Variants in MXI1 observed in about 807,000 individuals in gnomAD.
The protein encoded by MXI1 is MAX interactor 1, dimerization protein.
Under a neutral mutation model 36.9 loss-of-function variants are expected in MXI1, and 18 were observed. The ratio of observed to expected loss-of-function variants is 0.49; its 90% CI spans 0.34 to 0.72. The LOEUF (loss-of-function observed/expected upper bound fraction) is 0.72, where lower values mean the gene tolerates loss of function less well. Among genes scored for constraint, MXI1 ranks in the 30% least tolerant of loss-of-function variants. The probability of loss-of-function intolerance (pLI) is 0.01; values close to 1 mark genes in which losing one functional copy is unlikely to be tolerated. For missense variants in MXI1, 304 were observed against 379.1 expected, an observed-to-expected ratio of 0.80 and a Z score of 1.64; for synonymous variants, 160 against 146.7, an observed-to-expected ratio of 1.09 and a Z score of -0.65.
At chr10:110,262,462 C>T (rs189324062) in intron 3 of MXI1, among the ~76,000 whole-genome samples, 244 of 152,080 alleles carry the variant, frequency 1.6e-3, no homozygotes, top group Non-Finnish European at 3.0e-3. Context: ...AAAGGCACAC[C>T]TCAAAAGAGA....
intron 3 of MXI1, chr10:110,257,323 T>TC (rs894743402): frequency 1.3e-5 from 2 of 152,114 alleles, no homozygotes. Flanking sequence ...TTTTTTTTTT[T>TC]TTTGAGACGG....
At chr10:110,244,354 C>T (rs947353098) in intron 2 of MXI1, among the ~76,000 whole-genome samples, 11 of 151,928 alleles carry the variant, frequency 7.2e-5, no homozygotes, top group Non-Finnish European at 1.5e-4. Flanking sequence ...TTGCCTGTAT[C>T]ACTAAGCAGT....
chr10:110,244,748 G>A, intron 2 of MXI1, 80 bp from the exon 3 acceptor site: 1 of 1,169,000 alleles, frequency 8.6e-7, no homozygotes, highest in Non-Finnish European at 1.2e-6. Flanking sequence ...ACTAGGTGTA[G>A]CATAGCAGTA....
At chr10:110,257,102 T>G (rs531238106) in intron 3 of MXI1, 1 of 152,116 alleles carries the variant, frequency 6.6e-6, no homozygotes, top group Non-Finnish European at 1.5e-5. Flanking sequence ...ACTCCTGATA[T>G]ACGTTCTCTG....
At chr10:110,278,116 T>C (rs1185966902) in intron 3 of MXI1, among the ~76,000 whole-genome samples, 1 of 152,196 alleles carries the variant, frequency 6.6e-6, no homozygotes, top group African/African-American at 2.4e-5. Flanking sequence ...TTTTCAGATA[T>C]GCTGTTAACT....
chr10:110,223,796 G>C (rs917865153), intron 1 of MXI1, among the ~76,000 whole-genome samples: 1 of 147,494 alleles, frequency 6.8e-6, no homozygotes, highest in African/African-American at 2.5e-5. Context: ...AGAGCTAAAA[G>C]AACAGTCCCT....
chr10:110,227,203 G>A, intron 1 of MXI1: 1 of 438,566 alleles, frequency 2.3e-6, no homozygotes, highest in Non-Finnish European at 2.8e-6. Flanking sequence ...AGGGTCGCGC[G>A]TGTGTGAGGG....
intron 1 of MXI1, 24 bp downstream of exon 1, chr10:110,208,106 T>C: frequency 6.4e-7 from 1 of 1,563,640 alleles, no homozygotes; most frequent in Non-Finnish European, 8.6e-7. Context: ...CCCCTGCTCT[T>C]CCTCGGCGCC....
chr10:110,223,844 T>G (rs1854884074), intron 1 of MXI1, among the ~76,000 whole-genome samples: 1 of 151,616 alleles, frequency 6.6e-6, no homozygotes. Context: ...AAAGTTCTTC[T>G]GTGGCTTGCG....
intron 1 of MXI1, among the ~76,000 whole-genome samples, chr10:110,220,251 G>T (rs555317274): frequency 6.6e-6 from 1 of 152,258 alleles, no homozygotes; most frequent in African/African-American, 2.4e-5. Context: ...AGGATTAAAT[G>T]AACTGACTGG....
chr10:110,218,599 G>A (rs1175788268), intron 1 of MXI1, among the ~76,000 whole-genome samples: 1 of 152,142 alleles, frequency 6.6e-6, no homozygotes, highest in Non-Finnish European at 1.5e-5. Flanking sequence ...TTTGGGTGTT[G>A]ACAGTGGAGC....
Position 110,207,999 on chromosome 10 carries a change from A to C in MXI1, c.191A>C (p.Lys64Thr). 6.2e-7 allele frequency: 1 copy of C among 1,603,046 alleles called. No homozygotes were observed. Among genetic ancestry groups the C allele is most frequent in the Non-Finnish European group, 8.5e-7 (1 of 1,174,984 alleles). ...IFNTSENSME[K>T]HINTFLQNVQ... ...AACACCAGCGAGAACTCGATGGAGA[A>C]GCACATCAACACTTTTCTGCAGAAC... Residue 64 changes from lysine to threonine, a missense_variant, in exon 1 of 6, where the codon AAG becomes ACG. By Grantham distance (78) the Lys-to-Thr change is moderately conservative (BLOSUM62 -1). Around this residue, in one of 2 missense-constraint regions of MXI1, gnomAD observed 179 missense variants for 184.8 expected, o/e 0.97. Coordinates refer to ENST00000332674, the MANE Select transcript of MXI1 (RefSeq NM_130439.3).
intron 3 of MXI1, among the ~76,000 whole-genome samples, chr10:110,264,682 G>T (rs1262948197): frequency 6.6e-6 from 1 of 152,078 alleles, no homozygotes; most frequent in Non-Finnish European, 1.5e-5. Context: ...ATATTCTTGA[G>T]ATCATAAAAT....
chr10:110,234,144 A>C (rs1438428151), intron 2 of MXI1, among the ~76,000 whole-genome samples: 1 of 152,210 alleles, frequency 6.6e-6, no homozygotes, highest in Non-Finnish European at 1.5e-5. Flanking sequence ...CAATATATGC[A>C]TCATTGTTAT....
chr10:110,210,153 CTGCCCCG>C (rs1854475502), intron 1 of MXI1: 1 of 704,230 alleles, frequency 1.4e-6, no homozygotes, highest in African/African-American at 1.9e-5. Context: ...CGGGCTTGGG[CTGCCCCG>C]CGCGGGGCGG....
At chr10:110,235,785 C>T (rs769145531) in intron 2 of MXI1, among the ~76,000 whole-genome samples, 1 of 151,668 alleles carries the variant, frequency 6.6e-6, no homozygotes, top group Admixed American at 6.6e-5. Context: ...CCGAGGCAGG[C>T]GGATCATGAG....
At chr10:110,270,094 C>T (rs1216090132) in intron 3 of MXI1, among the ~76,000 whole-genome samples, 2 of 152,194 alleles carry the variant, frequency 1.3e-5, no homozygotes, top group Non-Finnish European at 2.9e-5. Context: ...GTATCCCTTC[C>T]CTCTACCCAG....
Position 110,285,608 on chromosome 10 carries a change from T to C in MXI1, c.*621T>C, listed in dbSNP as rs1857410562. On this transcript the variant is annotated 3_prime_UTR_variant, in exon 6 of 6. Transcript: ENST00000332674. ...TGAAGCCTTTTGAAAGGGATCATCA[T>C]GCAGCTCAACTTTCTGTTGGATTCC... is the stretch of plus-strand genomic sequence containing the variant. The C allele has an allele frequency of 1.3e-5, 2 of 152,358 alleles. No homozygotes were observed. The highest frequency in any genetic ancestry group is 4.1e-4 in the South Asian group (2 of 4,824). 9.4% of individuals were successfully genotyped at this position (152,358 alleles called of 1,614,324 possible).
chr10:110,245,131 C>A (rs1190964555), intron 3 of MXI1, among the ~76,000 whole-genome samples: 1 of 152,070 alleles, frequency 6.6e-6, no homozygotes, highest in African/African-American at 2.4e-5. Context: ...TTAATTGTTA[C>A]AAGCTCATGG....
Sources: gnomAD v4.1 joint callset for allele counts (sites outside exome capture counted in the v4.1 genomes callset) on GRCh38, gnomAD v4.1.1 for gene constraint, gnomAD v4.1.1 regional missense constraint, MANE v1.5 for transcripts, NCBI Gene and HGNC (gene_info 2026-07-23, HGNC 2026-07-21) for gene names.